The following OXR1 variants were observed in gnomAD, a reference collection of about 807,000 sequenced individuals.
The protein encoded by OXR1 is oxidation resistance protein 1.
Under a neutral mutation model 104.6 loss-of-function variants are expected in OXR1, and 41 were observed. That is an observed-to-expected ratio of 0.39 (90% CI 0.31 to 0.51). OXR1 has a LOEUF of 0.51. Ranked by LOEUF, OXR1 falls within the 20% of genes least tolerant of loss-of-function variation. OXR1 has a pLI of 0.77. For synonymous variants in OXR1, 348 were observed against 348.4 expected, an observed-to-expected ratio of 1.00 and a Z score of 0.01; for missense variants, 955 against 1,031.9, an observed-to-expected ratio of 0.93 and a Z score of 1.02.
chr8:106,389,131 A>T (rs1817498123), intron 2 of OXR1, among the ~76,000 whole-genome samples: 1 of 152,234 alleles, frequency 6.6e-6, no homozygotes, highest in South Asian at 2.1e-4. Flanking sequence ...ACAATACTGT[A>T]TTATAACCCA....
At chr8:106,344,455 A>G (rs1815394580) in intron 1 of OXR1, among the ~76,000 whole-genome samples, 1 of 152,156 alleles carries the variant, frequency 6.6e-6, no homozygotes, top group Admixed American at 6.5e-5. Flanking sequence ...CTCCTGTCTC[A>G]GCCTCCTAAG....
chr8:106,443,047 C>T (rs936646974), intron 2 of OXR1, among the ~76,000 whole-genome samples: 24 of 152,094 alleles, frequency 1.6e-4, no homozygotes, highest in Non-Finnish European at 3.2e-4. Context: ...GCATTTGGTG[C>T]TATAAATCTC....
intron 3 of OXR1, among the ~76,000 whole-genome samples, 178 bp downstream of exon 3, chr8:106,519,317 C>T (rs1020894577): frequency 6.6e-6 from 1 of 152,142 alleles, no homozygotes; most frequent in African/African-American, 2.4e-5. Context: ...TACTGAAAAA[C>T]TTTCAGCAAA....
At chr8:106,288,572 GTGTATA>G (rs1812600520) in intron 1 of OXR1, among the ~76,000 whole-genome samples, 9 of 141,732 alleles carry the variant, frequency 6.4e-5, no homozygotes, top group Non-Finnish European at 7.5e-5. Context: ...TATATATGGT[GTGTATA>G]TGTATATACA....
At chr8:106,313,431 A>G (rs1007954486) in intron 1 of OXR1, among the ~76,000 whole-genome samples, 1 of 152,186 alleles carries the variant, frequency 6.6e-6, no homozygotes, top group African/African-American at 2.4e-5. Flanking sequence ...CATGCAAATG[A>G]AGCACACTGT....
At chr8:106,478,420 C>A (rs1821921022) in intron 2 of OXR1, among the ~76,000 whole-genome samples, 2 of 151,658 alleles carry the variant, frequency 1.3e-5, no homozygotes, top group Admixed American at 1.3e-4. Flanking sequence ...CAGAAGTTGA[C>A]AAAGATTACA....
At chr8:106,338,691 A>T (rs369560422) in intron 1 of OXR1, among the ~76,000 whole-genome samples, 1 of 152,182 alleles carries the variant, frequency 6.6e-6, no homozygotes, top group East Asian at 1.9e-4. Context: ...AACGGAGGCT[A>T]CTTGATTCAT....
chr8:106,706,952 A>G lies in OXR1; in HGVS notation c.1431A>G (p.Lys477=), dbSNP rs372513413. The G allele has an allele frequency of 1.2e-6, 2 of 1,613,652 alleles. No homozygotes were observed. The highest frequency in any genetic ancestry group is 4.5e-5 in the East Asian group (2 of 44,862). The change falls in exon 9 of 17, where the codon AAA becomes AAG. Residue 477 remains lysine, a synonymous_variant. Coordinates refer to ENST00000517566, the MANE Select transcript of OXR1 (RefSeq NM_001198533.2). ...CTTGTGGGGAAACAGCAGAATTTAA[A>G]CAAAAGCAAAGTGTTAACAAAGGAA... ...NMPCGETAEF[K]QKQSVNKGKQ...
At chr8:106,292,241 AT>A (rs1419811043) in intron 1 of OXR1, among the ~76,000 whole-genome samples, 2 of 152,212 alleles carry the variant, frequency 1.3e-5, no homozygotes, top group African/African-American at 4.8e-5. Context: ...GAATTTGGAT[AT>A]GCCAAAGAGA....
intron 3 of OXR1, among the ~76,000 whole-genome samples, chr8:106,632,370 A>T (rs1822761259): frequency 6.6e-6 from 1 of 152,224 alleles, no homozygotes; most frequent in Admixed American, 6.5e-5. Context: ...AACATGTTTT[A>T]AAAATGTTAT....
At chr8:106,572,571 C>A (rs1172937480) in intron 3 of OXR1, among the ~76,000 whole-genome samples, 3 of 152,190 alleles carry the variant, frequency 2.0e-5, no homozygotes, top group Non-Finnish European at 4.4e-5. Flanking sequence ...GCTTGGAAAT[C>A]TCGTCTGCTG....
At chr8:106,294,412 A>AAG (rs1554619231) in intron 1 of OXR1, among the ~76,000 whole-genome samples, 3 of 131,472 alleles carry the variant, frequency 2.3e-5, no homozygotes, top group African/African-American at 8.7e-5. Context: ...AAAAAAAAAA[A>AAG]AAAGAAAGAA....
chr8:106,698,144 T>G (rs1349007317), intron 7 of OXR1: 3 of 621,088 alleles, frequency 4.8e-6, no homozygotes, highest in Non-Finnish European at 8.6e-6. Context: ...CCTCTTCATT[T>G]TCAAAGGATA....
intron 11 of OXR1, among the ~76,000 whole-genome samples, chr8:106,715,764 A>G (rs1400421608): frequency 6.6e-6 from 1 of 152,092 alleles, no homozygotes; most frequent in Non-Finnish European, 1.5e-5. Flanking sequence ...GAAATAAGAG[A>G]CTATTGACTA....
chr8:106,360,341 A>G (rs983276105), intron 2 of OXR1, among the ~76,000 whole-genome samples: 1 of 152,206 alleles, frequency 6.6e-6, no homozygotes, highest in African/African-American at 2.4e-5. Flanking sequence ...ATAAATTTAC[A>G]GTATTCAATA....
intron 1 of OXR1, among the ~76,000 whole-genome samples, chr8:106,284,379 C>T (rs1049971066): frequency 1.3e-5 from 2 of 151,900 alleles, no homozygotes; most frequent in African/African-American, 4.8e-5. Context: ...AGTGTGGGAC[C>T]AGATGGAGGT....
At chr8:106,739,946 G>T (rs1834776910) in intron 13 of OXR1, among the ~76,000 whole-genome samples, 1 of 152,098 alleles carries the variant, frequency 6.6e-6, no homozygotes, top group Non-Finnish European at 1.5e-5. Flanking sequence ...GTCACACAGG[G>T]AGAAGTATTA....
rs111893382 is a variant in OXR1 at position 106,287,925 on chromosome 8, G to A, written c.-139+17558G>A. On this transcript the variant is annotated intron_variant, in intron 1 of 16. Coordinates refer to ENST00000517566, the MANE Select transcript of OXR1 (RefSeq NM_001198533.2). ...GAGCTCCTCTGAGCTGTTCCAGCCAGATGGAACATTTCATAGTCTCACATG... is the reference window on the plus strand; with the variant it reads ...GAGCTCCTCTGAGCTGTTCCAGCCAAATGGAACATTTCATAGTCTCACATG... 4.7e-3 allele frequency among the ~76,000 whole-genome samples: 722 copies of A among 152,316 alleles called. 10 individuals carry two copies. The highest frequency in any genetic ancestry group is 0.017 in the African/African-American group (703 of 41,566).
chr8:106,336,589 T>C lies in OXR1; in HGVS notation c.-138-22887T>C, dbSNP rs1333828153. Among the ~76,000 whole-genome samples the C allele has an allele frequency of 2.0e-5, 3 of 152,246 alleles. No individual in the cohort carries two copies. The East Asian group carries it at 5.8e-4, about 29-fold the overall frequency. On this transcript the variant is annotated intron_variant, in intron 1 of 16. Transcript: ENST00000517566. ...CTGATGAATTGGAATCAAATTATGT[T>C]ACCCGTCTTTAACTAACATCAGGTG...
Sources: allele counts gnomAD v4.1 joint callset (sites outside exome capture counted in the v4.1 genomes callset), GRCh38; gene constraint gnomAD v4.1.1; transcripts MANE v1.5; gene names NCBI Gene and HGNC (gene_info 2026-07-23, HGNC 2026-07-21).